Variants in MEPCE observed in about 807,000 individuals in gnomAD.
MEPCE encodes the protein 7SK snRNA methylphosphate capping enzyme.
A neutral mutation model predicts 52.3 loss-of-function variants in MEPCE; 9 were observed. The observed-to-expected ratio is 0.17, with a 90% CI of 0.10 to 0.30. The LOEUF is 0.30. Among genes scored for constraint, MEPCE ranks in the 10% least tolerant of loss-of-function variants. The pLI is 1.00. For missense variants in MEPCE, 826 were observed against 933.0 expected, an observed-to-expected ratio of 0.89 and a Z score of 1.49; for synonymous variants, 477 against 401.6, an observed-to-expected ratio of 1.19 and a Z score of -2.25.
upstream of MEPCE, chr7:100,429,746 C>G: frequency 2.8e-6 from 1 of 354,608 alleles, no homozygotes. Flanking sequence ...TCACCGTGCG[C>G]GCTCGCGGCC....
At chr7:100,429,314 C>A (rs950974877), upstream of MEPCE, 1 of 152,268 alleles carries the variant, frequency 6.6e-6, no homozygotes, top group Non-Finnish European at 1.5e-5. Context: ...GGCGGGGCGC[C>A]AGTTTCAGCA....
Position 100,433,115 on chromosome 7 carries a change from AT to A in MEPCE, c.1869del (p.Tyr623Ter). On this transcript the variant is annotated frameshift_variant, in exon 2 of 4. Coordinates refer to ENST00000310512, the MANE Select transcript of MEPCE (RefSeq NM_019606.6). LOFTEE classifies it high-confidence loss of function. ...LVLEPQPWSS[Y>X]GKRKTLTETI... ...CTAGAGCCCCAACCCTGGTCGTCGT[AT>A]GGCAAGAGAAAGACTCTTACAGTGA... 1 of 1,613,986 alleles carries A rather than the reference AT, an allele frequency of 6.2e-7. No homozygotes were observed. The highest frequency in any genetic ancestry group is 8.5e-7 in the Non-Finnish European group (1 of 1,180,024).
Position 100,431,500 on chromosome 7 carries a change from G to A in MEPCE, c.1482G>A (p.Glu494=). ...RQNIRHYLSE[E]LRLPPQTLEG... ...ACATCCGACACTACCTTTCCGAGGA[G>A]CTGCGTCTCCCACCCCAGACTTTGG... is the stretch of plus-strand genomic sequence containing the variant. The change falls in exon 1 of 4, where the codon GAG becomes GAA. Residue 494 remains glutamate (E), a synonymous_variant. Coordinates refer to ENST00000310512, the MANE Select transcript of MEPCE (RefSeq NM_019606.6). 6.2e-7 allele frequency: 1 copy of A among 1,613,474 alleles called. No homozygotes were observed. Among genetic ancestry groups the A allele is most frequent in the Non-Finnish European group, 8.5e-7 (1 of 1,180,032 alleles).
Position 100,431,642 on chromosome 7 carries a change from G to A in MEPCE, c.1624G>A (p.Asp542Asn), listed in dbSNP as rs369774990. Residue 542 changes from aspartate (D) to asparagine (N), a missense_variant, in exon 1 of 4, where the codon GAT becomes AAT. By Grantham distance (23) the Asp-to-Asn change is conservative. Transcript: ENST00000310512. Reference sequence around the variant, plus strand: ...CATCGCTGCCCCCCAAGTGCCCTTGGATGGAGCGGACACATCAGTCTTCCC... The same window carrying A: ...CATCGCTGCCCCCCAAGTGCCCTTGAATGGAGCGGACACATCAGTCTTCCC... The part of the protein sequence containing the change: ...GPIAAPQVPL[D>N]GADTSVFPNN... 6.2e-7 allele frequency: 1 copy of A among 1,605,202 alleles called. No individual in the cohort carries two copies. The highest frequency in any genetic ancestry group is 1.3e-5 in the African/African-American group (1 of 74,944).
upstream of MEPCE, chr7:100,429,753 G>A (rs1393192167): frequency 1.1e-5 from 4 of 363,090 alleles, no homozygotes; most frequent in Non-Finnish European, 1.5e-5. Context: ...GCGCGCTCGC[G>A]GCCGGGTGGT....
upstream of MEPCE, chr7:100,429,805 C>G (rs1373720542): frequency 9.8e-6 from 4 of 408,984 alleles, no homozygotes; most frequent in Non-Finnish European, 8.4e-6. Context: ...GCGGTTGAGT[C>G]CTCGAGTAGT....
rs919690048 is a variant in MEPCE at position 100,431,260 on chromosome 7, G to A, written c.1242G>A (p.Gln414=). 1 of 1,614,134 alleles carries A rather than the reference G, an allele frequency of 6.2e-7. No individual in the cohort carries two copies. Among genetic ancestry groups the A allele is most frequent in the Non-Finnish European group, 8.5e-7 (1 of 1,180,030 alleles). The change falls in exon 1 of 4, where the codon CAG becomes CAA. Residue 414 remains glutamine (Q), a synonymous_variant. Transcript: ENST00000310512. ...TCAAAAAGCAACAGCGCAAGTTCCA[G>A]TATGGGAATTATTGCAAATACTATG... The part of the protein sequence containing the change: ...AGFKKQQRKF[Q]YGNYCKYYGY...
chr7:100,431,019 C>G lies in MEPCE; in HGVS notation c.1001C>G (p.Ser334Cys). Residue 334 changes from serine to cysteine, a missense_variant, in exon 1 of 4, where the codon TCT (serine) becomes TGT (cysteine). This residue lies in a region of MEPCE where 307 missense variants were observed against 292.1 expected (regional missense o/e 1.05). Transcript: ENST00000310512. ...GATGAAGTGGTGTCTCCCCTTCCAT[C>G]TGCTCTGCAGGGTCCCTCAGGCTCC... ...CRDEVVSPLP[S>C]ALQGPSGSLS... 1.9e-6 allele frequency: 3 copies of G among 1,613,922 alleles called. No homozygotes were observed. The highest frequency in any genetic ancestry group is 8.5e-7 in the Non-Finnish European group (1 of 1,180,006).
upstream of MEPCE, chr7:100,429,646 G>A (rs1252407861): frequency 5.1e-6 from 1 of 195,936 alleles, no homozygotes; most frequent in Non-Finnish European, 1.0e-5. Flanking sequence ...AACTCCCAGA[G>A]CCGTTAAGTT....
At chr7:100,428,936 C>G (rs1039338863), upstream of MEPCE, 1 of 152,324 alleles carries the variant, frequency 6.6e-6, no homozygotes. Flanking sequence ...GTAGAGGAGC[C>G]AGAGAACGAC....
In MEPCE at chr7:100,433,580, A is replaced by C; in HGVS notation, c.*26A>C. The C allele has an allele frequency of 6.2e-7, 1 of 1,610,318 alleles. No individual in the cohort carries two copies. Among genetic ancestry groups the C allele is most frequent in the Non-Finnish European group, 8.5e-7 (1 of 1,178,336 alleles). On this transcript the variant is annotated 3_prime_UTR_variant, in exon 4 of 4. Transcript: ENST00000310512. ...GTGGCCCCCTAAACAGAAAGTGTGA[A>C]GAGGCTGCCCTCGCTGCTCATAAGG...
intron 1 of MEPCE, among the ~76,000 whole-genome samples, chr7:100,432,598 C>T (rs1299337177): frequency 6.6e-6 from 1 of 152,208 alleles, no homozygotes; most frequent in Non-Finnish European, 1.5e-5. Flanking sequence ...CACTTAATGT[C>T]TGTGAGTGAG....
Position 100,430,302 on chromosome 7 carries a change from A to C in MEPCE, c.284A>C (p.His95Pro). Residue 95 changes from histidine (H) to proline (P), a missense_variant, in exon 1 of 4, where the codon CAT (histidine) becomes CCT (proline). Around this residue, in one of 7 missense-constraint regions of MEPCE, gnomAD observed 314 missense variants for 277.7 expected, o/e 1.13. Coordinates refer to ENST00000310512, the MANE Select transcript of MEPCE (RefSeq NM_019606.6). Reference protein sequence around the residue: ...HRGGGPQAQSHGEARLSDPPG... With the variant: ...HRGGGPQAQSPGEARLSDPPG... Reference sequence around the variant, plus strand: ...GGGGGCGGCCCCCAGGCGCAGTCGCATGGGGAGGCCCGCCTGTCGGATCCC... The same window carrying C: ...GGGGGCGGCCCCCAGGCGCAGTCGCCTGGGGAGGCCCGCCTGTCGGATCCC... 2.8e-6 allele frequency: 4 copies of C among 1,417,406 alleles called. No homozygotes were observed. Among genetic ancestry groups the C allele is most frequent in the South Asian group, 1.5e-5 (1 of 65,000 alleles). The allele number at this position is 1,417,406 out of a possible 1,614,324, so 87.8% of individuals were successfully genotyped here. A position where few individuals can be genotyped will look rare whatever the true frequency, so the allele number is the denominator to read the frequency against.
chr7:100,430,867 C>T lies in MEPCE; in HGVS notation c.849C>T (p.Pro283=), dbSNP rs201898480. The change falls in exon 1 of 4, where the codon CCC becomes CCT. Residue 283 remains proline, a synonymous_variant. Transcript: ENST00000310512. ...QQAAGGSESH[P]VPPTAPLTPL... Reference sequence around the variant, plus strand: ...CAGCCGGAGGGAGTGAGAGTCACCCCGTGCCGCCCACAGCCCCTCTCACCC... The same window carrying T: ...CAGCCGGAGGGAGTGAGAGTCACCCTGTGCCGCCCACAGCCCCTCTCACCC... The T allele has an allele frequency of 3.1e-6, 5 of 1,609,086 alleles. No individual in the cohort carries two copies. In the African/African-American group the frequency reaches 5.3e-5, roughly 17 times the overall value.
At position 100,430,437 on chromosome 7, in the gene MEPCE, G is replaced by T; in HGVS notation, c.419G>T (p.Arg140Leu). ...PRPRNGYQPH[R>L]PPGGGGGKRR... ...CCCCGCAATGGCTATCAGCCCCACC[G>T]GCCACCTGGGGGGGGCGGGGGCAAG... Residue 140 changes from arginine (R) to leucine (L), a missense_variant, in exon 1 of 4, where the codon CGG (arginine) becomes CTG (leucine). Physicochemically the swap from Arg to Leu is moderately radical, Grantham distance 102. Coordinates refer to ENST00000310512, the MANE Select transcript of MEPCE (RefSeq NM_019606.6). 1 of 1,556,520 alleles carries T rather than the reference G, an allele frequency of 6.4e-7. No individual in the cohort carries two copies.
chr7:100,429,672 G>T (rs2130991457), upstream of MEPCE: 4 of 239,248 alleles, frequency 1.7e-5, no homozygotes, highest in Non-Finnish European at 1.6e-5. Flanking sequence ...GTAGTCTGAT[G>T]CGCGCGCAAC....
rs1225331906 is a variant in MEPCE, at chr7:100,430,819, ACAGCACCAC to A, written c.807_815del (p.His269_Gln271del). Reference sequence around the variant, plus strand: ...GTCGGAAGCGGCATAGACACCGGGGACAGCACCACCAGCAGCAGCAGGCAGCCGGAGGGA... The same window carrying A: ...GTCGGAAGCGGCATAGACACCGGGGACAGCAGCAGCAGGCAGCCGGAGGGA... On this transcript the variant is annotated inframe_deletion, in exon 1 of 4. Transcript: ENST00000310512. 17 of 1,612,402 alleles carry A rather than the reference ACAGCACCAC, an allele frequency of 1.1e-5. No homozygotes were observed. The highest frequency in any genetic ancestry group is 1.4e-5 in the Non-Finnish European group (16 of 1,178,992).
At chr7:100,429,386 A>T (rs1005169000), upstream of MEPCE, 3 of 152,028 alleles carry the variant, frequency 2.0e-5, no homozygotes, top group Non-Finnish European at 4.4e-5. Flanking sequence ...ACTAGGGGGG[A>T]GGAAGGAGGC....
At chr7:100,429,729 CGCGCGCTCACCGT>C (rs1369411181), upstream of MEPCE, 5 of 332,622 alleles carry the variant, frequency 1.5e-5, no homozygotes, top group East Asian at 4.5e-5. Context: ...GCGAAGGGAA[CGCGCGCTCACCGT>C]GCGCGCTCGC....
Sources: gnomAD v4.1 joint callset for allele counts (sites outside exome capture counted in the v4.1 genomes callset) on GRCh38, gnomAD v4.1.1 for gene constraint, gnomAD v4.1.1 regional missense constraint, MANE v1.5 for transcripts, NCBI Gene and HGNC (gene_info 2026-07-23, HGNC 2026-07-21) for gene names.